TPD52L1: variants seen among roughly 807,000 people sequenced by gnomAD.
TPD52L1 encodes TPD52 like 1.
Under a neutral mutation model 28.7 loss-of-function variants are expected in TPD52L1, and 18 were observed. That is an observed-to-expected ratio of 0.63 (90% CI 0.43 to 0.93). The LOEUF (loss-of-function observed/expected upper bound fraction) is 0.93, where lower values mean the gene tolerates loss of function less well. Ranked by LOEUF, TPD52L1 falls within the 40% of genes least tolerant of loss-of-function variation. The probability of loss-of-function intolerance (pLI) is 0.00; values close to 1 mark genes in which losing one functional copy is unlikely to be tolerated. For synonymous variants in TPD52L1, 75 were observed against 88.8 expected (o/e 0.84, Z 0.88); for missense variants, 203 against 254.8 (o/e 0.80, Z 1.39).
At chr6:125,160,326 A>G (rs1348820672) in intron 1 of TPD52L1, among the ~76,000 whole-genome samples, 2 of 152,166 alleles carry the variant, frequency 1.3e-5, no homozygotes, top group African/African-American at 4.8e-5. Context: ...CACATTTTCT[A>G]AATCTATAGA....
At chr6:125,200,608 A>AC in intron 1 of TPD52L1, among the ~76,000 whole-genome samples, 1 of 152,326 alleles carries the variant, frequency 6.6e-6, no homozygotes, top group Admixed American at 6.5e-5. Context: ...ACAATTTGGT[A>AC]CATATCCTTT....
Position 125,263,080 on chromosome 6 carries a change from T to G in TPD52L1, c.*118T>G, listed in dbSNP as rs1798151975. On this transcript the variant is annotated 3_prime_UTR_variant, in exon 7 of 7. Transcript: ENST00000534000. Reference sequence around the variant, plus strand: ...GGGAAAAACCCAGGCCTTGACATTGTTATTCAAATGGCCCCTCCAGAAAGT... The same window carrying G: ...GGGAAAAACCCAGGCCTTGACATTGGTATTCAAATGGCCCCTCCAGAAAGT... 1 of 1,249,160 alleles carries G rather than the reference T, an allele frequency of 8.0e-7. No individual in the cohort carries two copies. The highest frequency in any genetic ancestry group is 1.6e-5 in the South Asian group (1 of 62,192). 77.4% of individuals were successfully genotyped at this position (1,249,160 alleles called of 1,614,324 possible).
intron 1 of TPD52L1, among the ~76,000 whole-genome samples, chr6:125,209,417 T>A (rs1225752739): frequency 6.6e-6 from 1 of 152,256 alleles, no homozygotes; most frequent in Non-Finnish European, 1.5e-5. Context: ...AGGAAATTCC[T>A]GATTGGTCTC....
At chr6:125,242,296 T>C (rs1159208751) in intron 3 of TPD52L1, among the ~76,000 whole-genome samples, 3 of 152,270 alleles carry the variant, frequency 2.0e-5, no homozygotes, top group South Asian at 4.1e-4. Flanking sequence ...TGTAAATATA[T>C]GTTAAGTCCA....
intron 1 of TPD52L1, among the ~76,000 whole-genome samples, chr6:125,212,732 T>C (rs1794605226): frequency 6.6e-6 from 1 of 152,244 alleles, no homozygotes; most frequent in South Asian, 2.1e-4. Context: ...ATGCAGGTCT[T>C]CATCAGCAAG....
intron 1 of TPD52L1, among the ~76,000 whole-genome samples, chr6:125,175,833 T>A (rs1253430372): frequency 6.7e-6 from 1 of 149,444 alleles, no homozygotes; most frequent in Admixed American, 6.6e-5. Flanking sequence ...GGACAGCTGA[T>A]GTATATTTTA....
intron 3 of TPD52L1, among the ~76,000 whole-genome samples, chr6:125,245,821 G>A (rs1440607519): frequency 6.6e-6 from 1 of 152,168 alleles, no homozygotes; most frequent in East Asian, 1.9e-4. Flanking sequence ...ACTCAGACCT[G>A]CCCCAGGCCA....
intron 1 of TPD52L1, among the ~76,000 whole-genome samples, chr6:125,159,889 A>G (rs1178462100): frequency 6.6e-6 from 1 of 152,188 alleles, no homozygotes; most frequent in African/African-American, 2.4e-5. Flanking sequence ...TGTAGCTCCC[A>G]TAATTCCCAC....
intron 5 of TPD52L1, 72 bp downstream of exon 5, chr6:125,253,827 C>T: frequency 1.5e-6 from 2 of 1,361,780 alleles, no homozygotes; most frequent in Non-Finnish European, 2.1e-6. Flanking sequence ...TTTATATTTA[C>T]TTATGGGGTT....
At chr6:125,259,029 T>C (rs914326996) in intron 6 of TPD52L1, among the ~76,000 whole-genome samples, 1 of 152,206 alleles carries the variant, frequency 6.6e-6, no homozygotes, top group Non-Finnish European at 1.5e-5. Context: ...ATAATAGATA[T>C]GTATAACCCT....
intron 1 of TPD52L1, among the ~76,000 whole-genome samples, chr6:125,196,975 T>C (rs1363440586): frequency 6.6e-6 from 1 of 152,244 alleles, no homozygotes; most frequent in East Asian, 1.9e-4. Context: ...TCTGGCCGGA[T>C]CTGTGCCTTT....
chr6:125,168,882 G>A (rs1791091432), intron 1 of TPD52L1, among the ~76,000 whole-genome samples: 1 of 152,120 alleles, frequency 6.6e-6, no homozygotes, highest in Non-Finnish European at 1.5e-5. Context: ...GACCTGTTAT[G>A]TATGTTTCAA....
At chr6:125,240,484 C>A (rs1019631459) in intron 3 of TPD52L1, among the ~76,000 whole-genome samples, 3 of 152,100 alleles carry the variant, frequency 2.0e-5, no homozygotes, top group African/African-American at 7.2e-5. Flanking sequence ...TTTGTGTTAT[C>A]TTTGGTTTCT....
chr6:125,200,798 G>A (rs564669698), intron 1 of TPD52L1, among the ~76,000 whole-genome samples: 2 of 152,168 alleles, frequency 1.3e-5, no homozygotes, highest in South Asian at 4.1e-4. Context: ...TCATTATTTT[G>A]TCAACCTAAG....
intron 1 of TPD52L1, among the ~76,000 whole-genome samples, chr6:125,209,726 A>T (rs1794377055): frequency 6.6e-6 from 1 of 152,138 alleles, no homozygotes; most frequent in Non-Finnish European, 1.5e-5. Context: ...CTTCAGAGTG[A>T]AGGGGGCTGG....
At chr6:125,232,923 C>T (rs1018620659) in intron 3 of TPD52L1, among the ~76,000 whole-genome samples, 26 of 152,002 alleles carry the variant, frequency 1.7e-4, no homozygotes, top group African/African-American at 6.3e-4. Flanking sequence ...TTTCTGCTGC[C>T]TTTTTATGTT....
At chr6:125,218,477 G>C (rs1228497909) in intron 1 of TPD52L1, among the ~76,000 whole-genome samples, 2 of 152,146 alleles carry the variant, frequency 1.3e-5, no homozygotes, top group Non-Finnish European at 2.9e-5. Flanking sequence ...GGGTCTGTAG[G>C]AATTCTGTAT....
In TPD52L1 at chr6:125,165,077, A is replaced by T. The variant is rs1244334404; in HGVS notation, c.19+11107A>T. ...AGGCTAAGCAAAACCCCTGTCTCTTAAAAAAAAGATATATATATATATTTT... is the reference window on the plus strand; with the variant it reads ...AGGCTAAGCAAAACCCCTGTCTCTTTAAAAAAAGATATATATATATATTTT... On this transcript the variant is annotated intron_variant, in intron 1 of 6. Coordinates refer to ENST00000534000, the MANE Select transcript of TPD52L1 (RefSeq NM_003287.4). Among the ~76,000 whole-genome samples, 3 of 49,814 alleles carry T rather than the reference A, an allele frequency of 6.0e-5. No individual in the cohort carries two copies. In the East Asian group the frequency reaches 1.1e-3, roughly 18 times the overall value. The allele number at this position is 49,814 out of a possible 152,430, so 32.7% of individuals were successfully genotyped here.
intron 1 of TPD52L1, among the ~76,000 whole-genome samples, chr6:125,158,470 A>G (rs189631439): frequency 6.6e-6 from 1 of 152,326 alleles, no homozygotes; most frequent in East Asian, 1.9e-4. Context: ...CAGAACATTT[A>G]TATAATTTTA....
Sources: allele counts gnomAD v4.1 joint callset (sites outside exome capture counted in the v4.1 genomes callset), GRCh38; gene constraint gnomAD v4.1.1; transcripts MANE v1.5; gene names NCBI Gene and HGNC (gene_info 2026-07-23, HGNC 2026-07-21).